NXPH1: variants seen among roughly 807,000 people sequenced by gnomAD.
NXPH1 encodes neurexophilin-1.
A neutral mutation model predicts 23.7 loss-of-function variants in NXPH1; 5 were observed. The observed-to-expected ratio is 0.21, with a 90% CI of 0.11 to 0.44. The LOEUF is 0.44. Among genes scored for constraint, NXPH1 ranks in the 20% least tolerant of loss-of-function variants. NXPH1 has a pLI of 0.99. For missense variants in NXPH1, 324 were observed against 321.6 expected (o/e 1.01, Z -0.06); for synonymous variants, 144 against 122.2 (o/e 1.18, Z -1.18).
chr7:8,703,132 C>T (rs1779653319), intron 2 of NXPH1, among the ~76,000 whole-genome samples: 1 of 152,046 alleles, frequency 6.6e-6, no homozygotes, highest in African/African-American at 2.4e-5. Context: ...CTTATCTTGG[C>T]CTTCCCCAAA....
chr7:8,581,551 T>C (rs1030666886), intron 2 of NXPH1, among the ~76,000 whole-genome samples: 10 of 152,138 alleles, frequency 6.6e-5, no homozygotes, highest in African/African-American at 2.4e-4. Flanking sequence ...CAATCACCTC[T>C]CACCAGGCCC....
intron 2 of NXPH1, among the ~76,000 whole-genome samples, chr7:8,461,941 G>A (rs540662734): frequency 6.6e-6 from 1 of 151,944 alleles, no homozygotes; most frequent in East Asian, 1.9e-4. Flanking sequence ...GCTACTTGGG[G>A]TTTATATGTA....
chr7:8,682,426 C>A (rs1821070529), intron 2 of NXPH1, among the ~76,000 whole-genome samples: 1 of 152,124 alleles, frequency 6.6e-6, no homozygotes, highest in Non-Finnish European at 1.5e-5. Context: ...CTTTACAGTA[C>A]TCACACAATG....
rs144483932 is a variant in NXPH1, at chr7:8,719,855, A to G, written c.55-31153A>G. On this transcript the variant is annotated intron_variant, in intron 2 of 2. Coordinates refer to ENST00000405863, the MANE Select transcript of NXPH1 (RefSeq NM_152745.3). ...GAGTAAAAATAAAATAAAAAATACA[A>G]TATTATTAACCACTGAGAAGAACAG... Among the ~76,000 whole-genome samples the G allele has an allele frequency of 8.9e-3, 1,353 of 152,328 alleles. 19 individuals are homozygous for G. Among genetic ancestry groups the G allele is most frequent in the African/African-American group, 0.03 (1,234 of 41,574 alleles).
At chr7:8,462,139 C>T (rs1328181414) in intron 2 of NXPH1, among the ~76,000 whole-genome samples, 2 of 152,106 alleles carry the variant, frequency 1.3e-5, no homozygotes, top group Non-Finnish European at 2.9e-5. Context: ...ACCCCTGCCT[C>T]ATGGGTTCAA....
At chr7:8,648,835 G>C (rs2115149972) in intron 2 of NXPH1, among the ~76,000 whole-genome samples, 1 of 151,698 alleles carries the variant, frequency 6.6e-6, no homozygotes, top group East Asian at 1.9e-4. Flanking sequence ...AACTATATGG[G>C]GAATTTATCA....
intron 2 of NXPH1, among the ~76,000 whole-genome samples, chr7:8,456,831 G>C (rs1455170782): frequency 6.6e-6 from 1 of 152,060 alleles, no homozygotes; most frequent in Non-Finnish European, 1.5e-5. Context: ...GTCTAGCTTG[G>C]TGAAAGAGAC....
At chr7:8,555,439 A>C (rs1285257319) in intron 2 of NXPH1, among the ~76,000 whole-genome samples, 3 of 151,694 alleles carry the variant, frequency 2.0e-5, no homozygotes, top group Non-Finnish European at 3.0e-5. Flanking sequence ...GAGATGACAC[A>C]GACTGCTGAG....
intron 2 of NXPH1, among the ~76,000 whole-genome samples, chr7:8,485,214 T>C (rs1817139180): frequency 1.3e-5 from 2 of 152,154 alleles, no homozygotes; most frequent in Admixed American, 6.6e-5. Flanking sequence ...AAAAGGGCAG[T>C]TCCCCTGCAC....
intron 2 of NXPH1, among the ~76,000 whole-genome samples, chr7:8,467,410 G>A (rs1185458544): frequency 1.3e-5 from 2 of 152,138 alleles, no homozygotes; most frequent in East Asian, 3.8e-4. Flanking sequence ...GAAGCTTCCT[G>A]TCTGTTCTGA....
intron 2 of NXPH1, among the ~76,000 whole-genome samples, chr7:8,589,151 T>C (rs1819039438): frequency 6.6e-6 from 1 of 152,156 alleles, no homozygotes; most frequent in African/African-American, 2.4e-5. Flanking sequence ...ATTTTTCCTC[T>C]GCTCTGGGCT....
At chr7:8,662,170 T>A (rs892898809) in intron 2 of NXPH1, among the ~76,000 whole-genome samples, 15 of 83,720 alleles carry the variant, frequency 1.8e-4, no homozygotes, top group Admixed American at 1.5e-3. Flanking sequence ...GCATATGATT[T>A]TATATATATA....
At chr7:8,542,876 A>G (rs1367170301) in intron 2 of NXPH1, among the ~76,000 whole-genome samples, 1 of 151,654 alleles carries the variant, frequency 6.6e-6, no homozygotes, top group Non-Finnish European at 1.5e-5. Context: ...CTTATTCAAC[A>G]AATATACATG....
chr7:8,682,845 A>G (rs562333558), intron 2 of NXPH1, among the ~76,000 whole-genome samples: 1 of 152,372 alleles, frequency 6.6e-6, no homozygotes, highest in South Asian at 2.1e-4. Context: ...TCAAGTCATT[A>G]GAATGTGATG....
At chr7:8,527,713 T>C (rs1170294720) in intron 2 of NXPH1, among the ~76,000 whole-genome samples, 1 of 152,220 alleles carries the variant, frequency 6.6e-6, no homozygotes, top group East Asian at 1.9e-4. Flanking sequence ...ATCTTTGTCA[T>C]GTCCTCCAAA....
At chr7:8,599,441 C>A (rs917311236) in intron 2 of NXPH1, among the ~76,000 whole-genome samples, 1 of 152,110 alleles carries the variant, frequency 6.6e-6, no homozygotes, top group African/African-American at 2.4e-5. Flanking sequence ...CTCATCCTGT[C>A]TTCCCCACTT....
At position 8,569,410 on chromosome 7, in the gene NXPH1, A is replaced by G. The variant is rs992550236; in HGVS notation, c.54+133643A>G. On this transcript the variant is annotated intron_variant, in intron 2 of 2. Coordinates refer to ENST00000405863, the MANE Select transcript of NXPH1 (RefSeq NM_152745.3). ...TCAAGGAAAAATAGACAAGTATTAG[A>G]TTTCATTTAGAGGTATTAATTTTGT... Among the ~76,000 whole-genome samples, 4 of 151,924 alleles carry G rather than the reference A, an allele frequency of 2.6e-5. No homozygotes were observed. In the East Asian group the frequency reaches 7.7e-4, roughly 29 times the overall value.
Position 8,696,624 on chromosome 7 carries a change from A to T in NXPH1, c.55-54384A>T, listed in dbSNP as rs79515882. ...ATTTCCAGGCATATAGTTCCAGCAT[A>T]GAGCAAAAGTCTTAGGGCTGAAATG... On this transcript the variant is annotated intron_variant, in intron 2 of 2. Transcript: ENST00000405863. Among the ~76,000 whole-genome samples, 1,078 of 152,264 alleles carry T rather than the reference A, an allele frequency of 7.1e-3. 17 individuals carry two copies. The highest frequency in any genetic ancestry group is 0.025 in the African/African-American group (1,018 of 41,534).
intron 2 of NXPH1, among the ~76,000 whole-genome samples, chr7:8,744,753 G>A (rs964503537): frequency 2.0e-5 from 3 of 152,128 alleles, no homozygotes; most frequent in Admixed American, 6.5e-5. Flanking sequence ...CCTTGCAGAT[G>A]CAAGCAAGCT....
Sources: allele counts gnomAD v4.1 joint callset (sites outside exome capture counted in the v4.1 genomes callset), GRCh38; gene constraint gnomAD v4.1.1; transcripts MANE v1.5; gene names NCBI Gene and HGNC (gene_info 2026-07-23, HGNC 2026-07-21).